Variants in C3 observed in about 807,000 individuals in gnomAD.
C3 encodes C3 and PZP-like alpha-2-macroglobulin domain-containing protein 1.
In C3, 97 loss-of-function variants were observed where a neutral mutation model predicts 207.9. The observed-to-expected ratio is 0.47, with a 90% CI of 0.40 to 0.55. C3 has a LOEUF of 0.55. Ranked by LOEUF, C3 falls within the 20% of genes least tolerant of loss-of-function variation. C3 has a pLI of 0.00. For synonymous variants in C3, 848 were observed against 857.6 expected (o/e 0.99, Z 0.20); for missense variants, 1,684 against 2,171.7 (o/e 0.78, Z 4.46).
chr19:6,704,513 C>T (rs1967733894), intron 17 of C3, among the ~76,000 whole-genome samples: 1 of 152,090 alleles, frequency 6.6e-6, no homozygotes, highest in Non-Finnish European at 1.5e-5. Context: ...AATCCCAATA[C>T]TTTGGGAGGC....
At chr19:6,685,211 G>C in intron 29 of C3, 65 bp from the exon 30 acceptor site, 3 of 1,449,654 alleles carry the variant, frequency 2.1e-6, no homozygotes, top group Non-Finnish European at 1.9e-6. Context: ...AATCCAGTGG[G>C]GGATAAAGAG....
rs781539565 is a variant in C3, at chr19:6,719,418, C to T, written c.75-15G>A. 6.2e-7 allele frequency: 1 copy of T among 1,612,208 alleles called. No individual in the cohort carries two copies. The highest frequency in any genetic ancestry group is 8.5e-7 in the Non-Finnish European group (1 of 1,178,622). ...TGATAGAGTACCTGTCGGAGTGGGG[C>T]ACGGGAGTGGGCTTGTCATTCCACG... On this transcript the variant is annotated splice_polypyrimidine_tract_variant and intron_variant, in intron 1 of 40. Coordinates refer to ENST00000245907, the MANE Select transcript of C3 (RefSeq NM_000064.4). This position sits in a 1 kb window ranked among gnomAD's most constrained non-coding sequence, Gnocchi z 5.4.
At position 6,678,228 on chromosome 19, in the gene C3, C is replaced by G. The variant is rs1917769596; in HGVS notation, c.4774G>C (p.Glu1592Gln). Reference protein sequence around the residue: ...RTFISPIKCREALKLEEKKHY... With the variant: ...RTFISPIKCRQALKLEEKKHY... ...TTCTTCTCCTCCAGCTTCAGGGCTT[C>G]TCTGCACTTGATGGGGCTGATGAAC... Residue 1592 changes from glutamate to glutamine, a missense_variant, in exon 40 of 41, where the codon GAA becomes CAA. Around this residue, in one of 3 missense-constraint regions of C3, gnomAD observed 346 missense variants for 380.1 expected, o/e 0.91. Coordinates refer to ENST00000245907, the MANE Select transcript of C3 (RefSeq NM_000064.4). 2.5e-6 allele frequency: 4 copies of G among 1,614,116 alleles called. No individual in the cohort carries two copies. In the South Asian group the frequency reaches 3.3e-5, roughly 13 times the overall value.
chr19:6,697,798 C>T lies in C3; in HGVS notation c.2441-4G>A. The T allele has an allele frequency of 6.2e-7, 1 of 1,612,018 alleles. No individual in the cohort carries two copies. Among genetic ancestry groups the T allele is most frequent in the South Asian group, 1.1e-5 (1 of 90,866 alleles). On this transcript the variant is annotated splice_polypyrimidine_tract_variant and splice_region_variant and intron_variant, in intron 19 of 40. Transcript: ENST00000245907. ...AAGGGGTCTGCCACACAGATCCCTG[C>T]TCGGGCAGAGACAGAACACGGAGTG...
rs1488732194 is a variant in C3, at chr19:6,697,416, C to T, written c.2724G>A (p.Gln908=). The T allele has an allele frequency of 1.9e-6, 3 of 1,614,036 alleles. No homozygotes were observed. The East Asian group carries it at 6.7e-5, about 36-fold the overall frequency. Residue 908 remains glutamine (Q), a synonymous_variant, in exon 21 of 41, where the codon CAG becomes CAA. Transcript: ENST00000245907. ...YVIVPLKTGL[Q]EVEVKAAVYH... Reference sequence around the variant, plus strand: ...AGACAGCAGCCTTGACTTCCACTTCCTGCAGGCCGGTCTTTAGCGGCACGA... The same window carrying T: ...AGACAGCAGCCTTGACTTCCACTTCTTGCAGGCCGGTCTTTAGCGGCACGA...
At chr19:6,680,128 C>G (rs780090550) in intron 36 of C3, 30 bp downstream of exon 36, 2 of 1,241,998 alleles carry the variant, frequency 1.6e-6, no homozygotes, top group South Asian at 2.4e-5. Context: ...CTGGAACCAT[C>G]AGACCCCAGG....
chr19:6,699,243 C>CTT (rs58493671), intron 19 of C3, among the ~76,000 whole-genome samples: 1,593 of 131,194 alleles, frequency 0.012, 37 homozygotes, highest in African/African-American at 0.036. Context: ...CTTTTCTTTT[C>CTT]TTTTTTTTTT....
chr19:6,685,272 G>A (rs1917974437), intron 29 of C3, 126 bp from the exon 30 acceptor site: 11 of 843,222 alleles, frequency 1.3e-5, no homozygotes, highest in Admixed American at 2.0e-5. Flanking sequence ...CTACTAGAGA[G>A]TGCAGGGGTG....
At position 6,713,179 on chromosome 19, in the gene C3, T is replaced by A. The variant is rs1046676262; in HGVS notation, c.1003+10A>T. On this transcript the variant is annotated intron_variant, in intron 9 of 40. Coordinates refer to ENST00000245907, the MANE Select transcript of C3 (RefSeq NM_000064.4). ...GTGGTCCTGAGCCTGGCCTTCAGAC[T>A]GGGCCTCACCTGAGTGCAAGATGAC... 1.9e-6 allele frequency: 3 copies of A among 1,613,722 alleles called. No homozygotes were observed. Among genetic ancestry groups the A allele is most frequent in the Non-Finnish European group, 2.5e-6 (3 of 1,179,992 alleles).
intron 4 of C3, 21 bp from the exon 5 acceptor site, chr19:6,714,467 G>A (rs775232620): frequency 1.9e-6 from 3 of 1,576,430 alleles, no homozygotes; most frequent in Non-Finnish European, 2.6e-6. Context: ...CAGGAGGGAA[G>A]GATAGAGGAT....
At chr19:6,717,627 T>G in intron 4 of C3, 1 of 277,732 alleles carries the variant, frequency 3.6e-6, no homozygotes. Flanking sequence ...TGTGTGATAG[T>G]GTTGTGTGGT....
chr19:6,697,884 G>A, intron 19 of C3, 90 bp from the exon 20 acceptor site: 1 of 1,327,016 alleles, frequency 7.5e-7, no homozygotes, highest in East Asian at 2.5e-5. Flanking sequence ...CCACTCCGCA[G>A]GAGCTCTCCC....
intron 4 of C3, among the ~76,000 whole-genome samples, chr19:6,715,156 G>A (rs570731572): frequency 1.3e-5 from 2 of 152,114 alleles, no homozygotes; most frequent in South Asian, 4.1e-4. Flanking sequence ...CAGTCTGGGT[G>A]AAAGAGCGAG....
chr19:6,691,760 G>A (rs1003220611), intron 26 of C3, among the ~76,000 whole-genome samples: 3 of 151,948 alleles, frequency 2.0e-5, no homozygotes, highest in African/African-American at 4.8e-5. Flanking sequence ...CAAGGTGGGC[G>A]GATCACCTGA....
chr19:6,686,434 T>C, intron 28 of C3, 147 bp from the exon 29 acceptor site: 1 of 841,218 alleles, frequency 1.2e-6, no homozygotes, highest in Non-Finnish European at 2.0e-6. Flanking sequence ...ACTTGGCTCC[T>C]GCCTTACCTC....
At position 6,693,077 on chromosome 19, in the gene C3, G is replaced by C. The variant is rs761091967; in HGVS notation, c.3237C>G (p.Thr1079=). 1.2e-6 allele frequency: 2 copies of C among 1,613,980 alleles called. No homozygotes were observed. The highest frequency in any genetic ancestry group is 1.1e-5 in the South Asian group (1 of 91,074). ...GAGAGAAGACCTTGACCACGTAGGC[G>C]GTCAGCCTGGAGTGGGCACAGAGCA... ...FVKRAPSTWL[T]AYVVKVFSLA... is the part of the protein sequence containing the mutation. Residue 1079 remains threonine, a synonymous_variant, in exon 26 of 41, where the codon ACC becomes ACG. Transcript: ENST00000245907.
chr19:6,719,553 T>A lies in C3; in HGVS notation c.75-150A>T. 3 of 691,042 alleles carry A rather than the reference T, an allele frequency of 4.3e-6. No homozygotes were observed. Among genetic ancestry groups the A allele is most frequent in the African/African-American group, 1.8e-5 (1 of 56,568 alleles). The allele number at this position is 691,042 out of a possible 1,614,324, so 42.8% of individuals were successfully genotyped here. A position where few individuals can be genotyped will look rare whatever the true frequency, so the allele number is the denominator to read the frequency against. On this transcript the variant is annotated intron_variant, in intron 1 of 40. Transcript: ENST00000245907. This position sits in a 1 kb window ranked among gnomAD's most constrained non-coding sequence, Gnocchi z 5.4. ...GCCGGCGCACTTGCCAATGCCATTATCTTCTCTGGGCACTGCCACCGTCTC... is the reference window on the plus strand; with the variant it reads ...GCCGGCGCACTTGCCAATGCCATTAACTTCTCTGGGCACTGCCACCGTCTC...
Position 6,707,938 on chromosome 19 carries a change from G to T in C3, c.1846-9C>A, listed in dbSNP as rs867506442. On this transcript the variant is annotated splice_polypyrimidine_tract_variant and intron_variant, in intron 14 of 40. Transcript: ENST00000245907. ...TCCACCACGTCCCAGATCTGCGGGGGGCATAGGGGTGGCGGGACGCAGGGA... is the reference window on the plus strand; with the variant it reads ...TCCACCACGTCCCAGATCTGCGGGGTGCATAGGGGTGGCGGGACGCAGGGA... The T allele has an allele frequency of 6.2e-7, 1 of 1,613,594 alleles. No homozygotes were observed. Among genetic ancestry groups the T allele is most frequent in the Non-Finnish European group, 8.5e-7 (1 of 1,179,966 alleles).
chr19:6,678,094 G>T, intron 40 of C3, 58 bp downstream of exon 40: 1 of 1,614,098 alleles, frequency 6.2e-7, no homozygotes, highest in Non-Finnish European at 8.5e-7. Context: ...CAATGGTGTG[G>T]GCGTGGCATG....
Sources: gnomAD v4.1 joint callset for allele counts (sites outside exome capture counted in the v4.1 genomes callset) on GRCh38, gnomAD v4.1.1 for gene constraint, gnomAD v4.1.1 regional missense constraint, Gnocchi (gnomAD v3.1) non-coding constraint, MANE v1.5 for transcripts, NCBI Gene and HGNC (gene_info 2026-07-23, HGNC 2026-07-21) for gene names.